The following NALCN variants were observed in gnomAD, a reference collection of about 807,000 sequenced individuals.
NALCN encodes the protein sodium leak channel, non-selective, also known as sodium leak channel NALCN.
A neutral mutation model predicts 225.3 loss-of-function variants in NALCN; 111 were observed. That is an observed-to-expected ratio of 0.49 (90% CI 0.42 to 0.58). The LOEUF is 0.58. Ranked by LOEUF, NALCN falls within the 20% of genes least tolerant of loss-of-function variation. NALCN has a pLI of 0.00. For synonymous variants in NALCN, 764 were observed against 769.0 expected, an observed-to-expected ratio of 0.99 and a Z score of 0.11; for missense variants, 1,378 against 2,202.4, an observed-to-expected ratio of 0.63 and a Z score of 7.49.
intron 11 of NALCN, among the ~76,000 whole-genome samples, chr13:101,252,795 G>A (rs2042100656): frequency 6.6e-6 from 1 of 152,092 alleles, no homozygotes; most frequent in African/African-American, 2.4e-5. Flanking sequence ...AATGCTAGGG[G>A]GTGACACAGA....
At chr13:101,406,152 A>AC (rs1491549929) in intron 1 of NALCN, among the ~76,000 whole-genome samples, 6 of 38,394 alleles carry the variant, frequency 1.6e-4, no homozygotes. Context: ...CCATCTCTAC[A>AC]AAAAAAAAAA....
intron 7 of NALCN, among the ~76,000 whole-genome samples, chr13:101,334,874 G>A (rs2045326829): frequency 6.6e-6 from 1 of 151,334 alleles, no homozygotes; most frequent in Admixed American, 6.6e-5. Context: ...AGAGAGGGGA[G>A]AAGAAATGAG....
rs1231199101 is a variant in NALCN, at chr13:101,055,415, G to A, written c.5097C>T (p.Val1699=). 2 of 1,613,952 alleles carry A rather than the reference G, an allele frequency of 1.2e-6. No homozygotes were observed. Among genetic ancestry groups the A allele is most frequent in the South Asian group, 1.1e-5 (1 of 91,078 alleles). The stretch of plus-strand genomic sequence containing the variant: ...CAGTCATGGGGTTCATTTTGCACAC[G>A]ACAGATTTCATGGTTGTCCTTCCTC... ...RFGGRTTMKS[V]VCKMNPMTDA... is the part of the protein sequence containing the mutation. The change falls in exon 44 of 44, where the codon GTC becomes GTT. Residue 1699 remains valine (V), a synonymous_variant. Coordinates refer to ENST00000251127, the MANE Select transcript of NALCN (RefSeq NM_052867.4).
rs778902824 is a variant in NALCN at position 101,378,644 on chromosome 13, A to C, written c.301T>G (p.Ser101Ala). 3 of 1,608,146 alleles carry C rather than the reference A, an allele frequency of 1.9e-6. No homozygotes were observed. Among genetic ancestry groups the C allele is most frequent in the Non-Finnish European group, 2.5e-6 (3 of 1,176,952 alleles). ...ACACACCAGCGATCTTTCACATAGG[A>C]ACTATCCCCCTAAAAATAAATTTTA... is the stretch of plus-strand genomic sequence containing the variant. ...HIRGIVKGDSSYVKDRWCVFD... is the reference protein window; with the variant it reads ...HIRGIVKGDSAYVKDRWCVFD... The change falls in exon 4 of 44, where the codon TCC becomes GCC. Residue 101 changes from serine to alanine, a missense_variant. Physicochemically the swap from Ser to Ala is moderately conservative, Grantham distance 99. Around this residue, in one of 19 missense-constraint regions of NALCN, gnomAD observed 146 missense variants for 205.9 expected, o/e 0.71. Transcript: ENST00000251127.
chr13:101,312,757 T>G (rs2044395041), intron 7 of NALCN, among the ~76,000 whole-genome samples: 1 of 152,208 alleles, frequency 6.6e-6, no homozygotes. Context: ...CTTTTACATT[T>G]GCTGAGGAGT....
At chr13:101,247,635 TA>T (rs1306265538) in intron 11 of NALCN, among the ~76,000 whole-genome samples, 1 of 152,240 alleles carries the variant, frequency 6.6e-6, no homozygotes, top group Non-Finnish European at 1.5e-5. Context: ...TTCATTATTT[TA>T]TTTTTTTAAA....
At chr13:101,346,139 G>C (rs1323321635) in intron 6 of NALCN, among the ~76,000 whole-genome samples, 9 of 143,352 alleles carry the variant, frequency 6.3e-5, no homozygotes, top group Admixed American at 2.2e-4. Flanking sequence ...TTGTGTATGT[G>C]TATCTGAATA....
At chr13:101,226,966 G>C (rs1213983927) in intron 13 of NALCN, among the ~76,000 whole-genome samples, 4 of 152,118 alleles carry the variant, frequency 2.6e-5, no homozygotes, top group African/African-American at 9.7e-5. Flanking sequence ...CTTTTGTTCA[G>C]GACTGCTTAG....
chr13:101,344,826 G>T (rs554012194), intron 7 of NALCN, among the ~76,000 whole-genome samples: 1 of 152,126 alleles, frequency 6.6e-6, no homozygotes, highest in South Asian at 2.1e-4. Flanking sequence ...TCTAATCAAG[G>T]AGCACTTTTC....
intron 13 of NALCN, among the ~76,000 whole-genome samples, chr13:101,206,825 C>T (rs1265475224): frequency 3.3e-5 from 5 of 151,390 alleles, no homozygotes; most frequent in Admixed American, 2.0e-4. Context: ...TACAAATGTA[C>T]TTGAATCAAA....
intron 27 of NALCN, among the ~76,000 whole-genome samples, chr13:101,097,707 C>G (rs1275172223): frequency 1.3e-5 from 2 of 152,192 alleles, no homozygotes; most frequent in Non-Finnish European, 2.9e-5. Context: ...TAGGATGTGT[C>G]TGATTCCTCT....
chr13:101,279,296 C>G (rs1350427642), intron 10 of NALCN, among the ~76,000 whole-genome samples: 5 of 152,142 alleles, frequency 3.3e-5, no homozygotes, highest in Non-Finnish European at 7.3e-5. Context: ...AGGAAACATT[C>G]TGTGAAAATG....
intron 17 of NALCN, among the ~76,000 whole-genome samples, chr13:101,126,283 G>T (rs940629686): frequency 6.6e-6 from 1 of 152,096 alleles, no homozygotes; most frequent in Admixed American, 6.5e-5. Context: ...AAGGTGGTTT[G>T]TTCATTTTTC....
Position 101,083,911 on chromosome 13 carries a change from T to C in NALCN, c.3490-107A>G, listed in dbSNP as rs567488925. 19 of 971,380 alleles carry C rather than the reference T, an allele frequency of 2.0e-5. No homozygotes were observed. The East Asian group carries it at 5.2e-4, about 27-fold the overall frequency. 60.2% of individuals were successfully genotyped at this position (971,380 alleles called of 1,614,324 possible). On this transcript the variant is annotated intron_variant, in intron 30 of 43. Coordinates refer to ENST00000251127, the MANE Select transcript of NALCN (RefSeq NM_052867.4). The stretch of plus-strand genomic sequence containing the variant: ...ACAGGACTGATGTGAGGGCTTGCAC[T>C]GACCATGTTCTTCCAACCGTGGTGG...
At chr13:101,172,254 C>T (rs1228696755) in intron 15 of NALCN, among the ~76,000 whole-genome samples, 1 of 152,142 alleles carries the variant, frequency 6.6e-6, no homozygotes, top group Non-Finnish European at 1.5e-5. Context: ...CAGGGAGCTT[C>T]TGAGGGGAAC....
chr13:101,239,647 T>A (rs1294853053), intron 11 of NALCN, among the ~76,000 whole-genome samples: 1 of 151,984 alleles, frequency 6.6e-6, no homozygotes, highest in Non-Finnish European at 1.5e-5. Flanking sequence ...GCAGGAATCA[T>A]CAGGAAGGTG....
intron 7 of NALCN, among the ~76,000 whole-genome samples, chr13:101,323,136 A>C: frequency 6.6e-6 from 1 of 152,216 alleles, no homozygotes; most frequent in Non-Finnish European, 1.5e-5. Context: ...TAATCCAATA[A>C]TAATATGATT....
chr13:101,081,560 G>C lies in NALCN; in HGVS notation c.3852C>G (p.Gly1284=). 6.2e-7 allele frequency: 1 copy of C among 1,614,068 alleles called. No individual in the cohort carries two copies. Residue 1284 remains glycine, a synonymous_variant, in exon 34 of 44, where the codon GGC becomes GGG. Coordinates refer to ENST00000251127, the MANE Select transcript of NALCN (RefSeq NM_052867.4). ...CAAAGTGAAGCACCACCCATACAAC[G>C]CCAAGCGACGTCACCAGGAGATCGT... The part of the protein sequence containing the change: ...NRYDLLVTSL[G]VVWVVLHFAL...
intron 42 of NALCN, chr13:101,058,733 C>G (rs1461921996): frequency 2.0e-5 from 3 of 150,526 alleles, no homozygotes; most frequent in Non-Finnish European, 4.4e-5. Flanking sequence ...GAAATCATCA[C>G]TTTCCCCAAC....
Sources: gnomAD v4.1 joint callset for allele counts (sites outside exome capture counted in the v4.1 genomes callset) on GRCh38, gnomAD v4.1.1 for gene constraint, gnomAD v4.1.1 regional missense constraint, MANE v1.5 for transcripts, NCBI Gene and HGNC (gene_info 2026-07-23, HGNC 2026-07-21) for gene names.